The following DNASE1 variants were observed in gnomAD, a reference collection of about 807,000 sequenced individuals.
DNASE1 encodes deoxyribonuclease 1, also known as deoxyribonuclease-1.
Under a neutral mutation model 33.9 loss-of-function variants are expected in DNASE1, and 40 were observed. That is an observed-to-expected ratio of 1.18 (90% CI 0.92 to 1.54). DNASE1 has a LOEUF of 1.54. Ranked by LOEUF, DNASE1 falls within the 40% of genes most tolerant of loss-of-function variation. DNASE1 has a pLI of 0.00. For missense variants in DNASE1, 518 were observed against 372.6 expected, an observed-to-expected ratio of 1.39 and a Z score of -3.21; for synonymous variants, 216 against 160.0, an observed-to-expected ratio of 1.35 and a Z score of -2.64.
intron 1 of DNASE1, 59 bp from the exon 2 acceptor site, chr16:3,655,314 T>G: frequency 6.2e-7 from 1 of 1,609,026 alleles, no homozygotes; most frequent in Non-Finnish European, 8.5e-7. Flanking sequence ...AAGGCTGGAG[T>G]GCTGTGGCAG....
In DNASE1 at chr16:3,656,756, G is replaced by A. The variant is rs753077810; in HGVS notation, c.436+3G>A. The A allele has an allele frequency of 6.2e-7, 1 of 1,602,528 alleles. No individual in the cohort carries two copies. Among genetic ancestry groups the A allele is most frequent in the Non-Finnish European group, 8.5e-7 (1 of 1,174,702 alleles). ...CAGGTTCTTCTCCCGGTTCACAGGT[G>A]GGTGCTGCCTGGGCCAGGGTGGGGC... is the stretch of plus-strand genomic sequence containing the variant. On this transcript the variant is annotated splice_donor_region_variant and intron_variant, in intron 5 of 8. Coordinates refer to ENST00000246949, the MANE Select transcript of DNASE1 (RefSeq NM_005223.4).
At chr16:3,662,439 A>G (rs1248679579), downstream of DNASE1, 6 of 546,132 alleles carry the variant, frequency 1.1e-5, no homozygotes, top group Admixed American at 3.1e-5. Flanking sequence ...CCCTTCCTCC[A>G]AGTGACCATG....
intron 1 of DNASE1, among the ~76,000 whole-genome samples, chr16:3,627,631 A>G (rs1027683751): frequency 3.3e-5 from 5 of 152,108 alleles, no homozygotes; most frequent in African/African-American, 1.2e-4. Context: ...GCATGTGGAT[A>G]TCCAGTTTTC....
At chr16:3,663,185 C>G in exon 10 of DNASE1, 1 of 661,872 alleles carries the variant, frequency 1.5e-6, no homozygotes, top group Non-Finnish European at 2.5e-6. Flanking sequence ...AATACACAGC[C>G]TCTCAAGAAG....
chr16:3,663,007 C>G, downstream of DNASE1: 1 of 1,521,966 alleles, frequency 6.6e-7, no homozygotes, highest in South Asian at 1.2e-5. Flanking sequence ...GGCCTGCATC[C>G]CAACTCCCCG....
At chr16:3,613,495 T>G (rs2040982758) in intron 1 of DNASE1, among the ~76,000 whole-genome samples, 1 of 152,186 alleles carries the variant, frequency 6.6e-6, no homozygotes, top group Non-Finnish European at 1.5e-5. Flanking sequence ...TACATTTGAT[T>G]CTGAATGTTG....
At chr16:3,662,027 G>A (rs775520077), downstream of DNASE1, 31 of 1,612,840 alleles carry the variant, frequency 1.9e-5, no homozygotes, top group Admixed American at 8.3e-5. Context: ...AGCTGTGCGC[G>A]CTCCTCCTGG....
chr16:3,645,822 C>T (rs961019521), intron 1 of DNASE1, among the ~76,000 whole-genome samples: 2 of 152,200 alleles, frequency 1.3e-5, no homozygotes, highest in African/African-American at 2.4e-5. Flanking sequence ...GAAATTAATT[C>T]ATGAGGGATG....
upstream of DNASE1, chr16:3,653,841 A>C (rs867920095): frequency 1.6e-5 from 2 of 125,054 alleles, no homozygotes; most frequent in Non-Finnish European, 3.4e-5. Flanking sequence ...AAAAAAAAAA[A>C]CTGAGCATGG....
downstream of DNASE1, chr16:3,659,713 C>G (rs527735666): frequency 2.0e-5 from 3 of 151,996 alleles, no homozygotes; most frequent in Admixed American, 2.0e-4. Flanking sequence ...TCAGCCATTC[C>G]ATTTCCTAAC....
At chr16:3,660,007 G>T (rs967148960), downstream of DNASE1, 2 of 152,174 alleles carry the variant, frequency 1.3e-5, no homozygotes, top group East Asian at 1.9e-4. Context: ...GATTACAGGC[G>T]TGAGGCACCG....
intron 1 of DNASE1, 35 bp from the exon 2 acceptor site, chr16:3,655,338 C>T (rs79753073): frequency 6.2e-7 from 1 of 1,613,396 alleles, no homozygotes; most frequent in African/African-American, 1.3e-5. Flanking sequence ...TGACGTCTCA[C>T]TTCTGTTATG....
At chr16:3,616,978 A>G (rs2041125406) in intron 1 of DNASE1, among the ~76,000 whole-genome samples, 1 of 152,188 alleles carries the variant, frequency 6.6e-6, no homozygotes, top group Non-Finnish European at 1.5e-5. Context: ...ACCTCATATC[A>G]TGTACAAATA....
chr16:3,653,544 C>CA (rs1865965487), upstream of DNASE1: 1 of 152,108 alleles, frequency 6.6e-6, no homozygotes, highest in South Asian at 2.1e-4. Context: ...TGCGATGGCT[C>CA]ACGCCTGTAA....
chr16:3,662,344 C>T (rs888168244), downstream of DNASE1: 15 of 645,100 alleles, frequency 2.3e-5, no homozygotes, highest in Non-Finnish European at 3.7e-5. Flanking sequence ...CGAGGGGCTC[C>T]ACCACCCTGG....
intron 5 of DNASE1, 24 bp downstream of exon 5, chr16:3,656,777 G>A: frequency 6.3e-7 from 1 of 1,584,806 alleles, no homozygotes; most frequent in Non-Finnish European, 8.6e-7. Flanking sequence ...GGGCCAGGGT[G>A]GGGCTCGGCT....
downstream of DNASE1, chr16:3,658,887 A>G: frequency 2.5e-6 from 4 of 1,613,608 alleles, no homozygotes; most frequent in Non-Finnish European, 3.4e-6. Flanking sequence ...AACCCACCAG[A>G]AAAAGCAGCT....
At chr16:3,630,908 T>C (rs951243903) in intron 1 of DNASE1, among the ~76,000 whole-genome samples, 1 of 152,148 alleles carries the variant, frequency 6.6e-6, no homozygotes, top group African/African-American at 2.4e-5. Flanking sequence ...GTAGTTTTTT[T>C]CCACGTTGCC....
intron 1 of DNASE1, among the ~76,000 whole-genome samples, chr16:3,635,804 C>G (rs1343547122): frequency 1.3e-5 from 2 of 151,830 alleles, no homozygotes; most frequent in Non-Finnish European, 2.9e-5. Context: ...TATCCTTACT[C>G]CTTTATAGGA....
Sources: allele counts gnomAD v4.1 joint callset (sites outside exome capture counted in the v4.1 genomes callset), GRCh38; gene constraint gnomAD v4.1.1; transcripts MANE v1.5; gene names NCBI Gene and HGNC (gene_info 2026-07-23, HGNC 2026-07-21).